TUBB3: variants seen among roughly 807,000 people sequenced by gnomAD.
TUBB3 encodes the protein tubulin beta 3 class III.
TUBB3 carries 17 observed loss-of-function variants against 37.8 expected under a neutral mutation model. The observed-to-expected ratio is 0.45, with a 90% confidence interval of 0.31 to 0.67. The LOEUF is 0.67. Ranked by LOEUF, TUBB3 falls within the 30% of genes least tolerant of loss-of-function variation. The pLI is 0.07. For synonymous variants in TUBB3, 332 were observed against 278.9 expected, an observed-to-expected ratio of 1.19 and a Z score of -1.90; for missense variants, 262 against 657.9, an observed-to-expected ratio of 0.40 and a Z score of 6.58.
intron 1 of TUBB3, among the ~76,000 whole-genome samples, chr16:89,927,185 G>T (rs56027733): frequency 1.6e-4 from 24 of 151,858 alleles, no homozygotes; most frequent in African/African-American, 5.5e-4. Context: ...GGCCAGCCTG[G>T]GCAACATGGC....
chr16:89,935,705 G>C lies in TUBB3; in HGVS notation c.1254G>C (p.Leu418=), dbSNP rs748724315. The change falls in exon 4 of 4, where the codon CTG becomes CTC. Residue 418 remains leucine, a synonymous_variant. Transcript: ENST00000315491. ...AGGCCGAGAGCAACATGAACGACCT[G>C]GTGTCCGAGTACCAGCAGTACCAGG... ...FTEAESNMND[L]VSEYQQYQDA... 6.2e-7 allele frequency: 1 copy of C among 1,613,908 alleles called. No individual in the cohort carries two copies. Among genetic ancestry groups the C allele is most frequent in the South Asian group, 1.1e-5 (1 of 91,076 alleles).
rs1387989221 is a variant in TUBB3 at position 89,935,960 on chromosome 16, C to A, written c.*156C>A. Reference sequence around the variant, plus strand: ...GCAGTATTTATGGCCTCGTCCTCCCCACCTAGGCCACGTGTGAGCTGCTCC... The same window carrying A: ...GCAGTATTTATGGCCTCGTCCTCCCAACCTAGGCCACGTGTGAGCTGCTCC... On this transcript the variant is annotated 3_prime_UTR_variant, in exon 4 of 4. Coordinates refer to ENST00000315491, the MANE Select transcript of TUBB3 (RefSeq NM_006086.4). 6.9e-6 allele frequency: 6 copies of A among 874,634 alleles called. No homozygotes were observed. In the African/African-American group the frequency reaches 8.5e-5, roughly 12 times the overall value. The allele number at this position is 874,634 out of a possible 1,614,324, so 54.2% of individuals were successfully genotyped here.
At position 89,924,204 on chromosome 16, in the gene TUBB3, C is replaced by T. The variant is rs944401380; in HGVS notation, c.57+746C>T. On this transcript the variant is annotated intron_variant, in intron 1 of 3. Transcript: ENST00000315491. ...CGCCCCTCCCTCCATTGTTAGCCCA[C>T]CTCGCAGATGTTGGGGCCACGCAGA... is the stretch of plus-strand genomic sequence containing the variant. 1.3e-4 allele frequency among the ~76,000 whole-genome samples: 20 copies of T among 152,334 alleles called. No individual in the cohort carries two copies. In the East Asian group the frequency reaches 1.7e-3, roughly 13 times the overall value.
At chr16:89,923,298 G>T (rs2029949437), upstream of TUBB3, 1 of 995,570 alleles carries the variant, frequency 1.0e-6, no homozygotes, top group Non-Finnish European at 1.3e-6. Context: ...CGATGCGAAG[G>T]GCGGGGCCGC....
At chr16:89,929,465 A>C (rs1186971614) in intron 1 of TUBB3, among the ~76,000 whole-genome samples, 1 of 152,210 alleles carries the variant, frequency 6.6e-6, no homozygotes, top group Non-Finnish European at 1.5e-5. Flanking sequence ...GAGGTGGTCC[A>C]TGTCCATGCT....
At chr16:89,927,167 C>G (rs2144405346) in intron 1 of TUBB3, among the ~76,000 whole-genome samples, 1 of 152,010 alleles carries the variant, frequency 6.6e-6, no homozygotes, top group Admixed American at 6.5e-5. Context: ...CTGAGGTCAG[C>G]ACTTCAGGGC....
chr16:89,930,531 C>T (rs1181406010), intron 1 of TUBB3, among the ~76,000 whole-genome samples: 1 of 151,946 alleles, frequency 6.6e-6, no homozygotes, highest in East Asian at 1.9e-4. Context: ...TCAAGCAATT[C>T]TTCTGCCTCA....
intron 1 of TUBB3, among the ~76,000 whole-genome samples, chr16:89,927,228 A>G (rs921874022): frequency 6.6e-6 from 1 of 151,858 alleles, no homozygotes; most frequent in Non-Finnish European, 1.5e-5. Context: ...TAAAAAACAA[A>G]AAAAATTAGC....
At chr16:89,930,135 C>T (rs1046765450) in intron 1 of TUBB3, among the ~76,000 whole-genome samples, 5 of 151,592 alleles carry the variant, frequency 3.3e-5, no homozygotes, top group Admixed American at 1.3e-4. Flanking sequence ...CTGACAGTCT[C>T]GCACTATTGC....
intron 1 of TUBB3, among the ~76,000 whole-genome samples, chr16:89,926,235 G>A (rs1302931149): frequency 1.3e-5 from 2 of 152,134 alleles, no homozygotes; most frequent in East Asian, 1.9e-4. Flanking sequence ...CGCGGGCTGC[G>A]GCACCGCCTC....
chr16:89,932,546 C>G (rs764167968), intron 1 of TUBB3, 25 bp from the exon 2 acceptor site: 1 of 1,602,212 alleles, frequency 6.2e-7, no homozygotes, highest in Non-Finnish European at 8.6e-7. Flanking sequence ...CGGTGCCGAC[C>G]CCCCCTCTCC....
chr16:89,923,936 G>A (rs930381422), intron 1 of TUBB3, among the ~76,000 whole-genome samples: 1 of 152,132 alleles, frequency 6.6e-6, no homozygotes, highest in East Asian at 1.9e-4. Context: ...AGAGGCTAGA[G>A]CCGCCCCGAT....
chr16:89,932,711 C>A, intron 2 of TUBB3, 32 bp downstream of exon 2: 2 of 1,564,196 alleles, frequency 1.3e-6, no homozygotes, highest in Non-Finnish European at 1.8e-6. Flanking sequence ...CCTATCCCAG[C>A]CCTGGACTGA....
At chr16:89,927,030 G>A (rs916976133) in intron 1 of TUBB3, among the ~76,000 whole-genome samples, 9 of 151,946 alleles carry the variant, frequency 5.9e-5, no homozygotes, top group African/African-American at 1.9e-4. Flanking sequence ...TTCCTTTTCT[G>A]TAGTGATGTT....
At chr16:89,929,990 G>A (rs1430504230) in intron 1 of TUBB3, among the ~76,000 whole-genome samples, 2 of 151,666 alleles carry the variant, frequency 1.3e-5, no homozygotes, top group Non-Finnish European at 2.9e-5. Flanking sequence ...GTGAGCCACC[G>A]TGCCTGGCAC....
intron 1 of TUBB3, chr16:89,931,739 G>T: frequency 3.8e-6 from 1 of 263,486 alleles, no homozygotes; most frequent in Non-Finnish European, 8.3e-6. Flanking sequence ...AGCTGGGAAG[G>T]GTGAGGGAAG....
At chr16:89,933,259 C>T (rs769614752) in intron 2 of TUBB3, 2 of 701,880 alleles carry the variant, frequency 2.8e-6, no homozygotes. Context: ...TGTCCTGCTC[C>T]GTCCTGTCCT....
At chr16:89,926,267 T>TG (rs1048356075) in intron 1 of TUBB3, among the ~76,000 whole-genome samples, 28 of 152,070 alleles carry the variant, frequency 1.8e-4, no homozygotes, top group Admixed American at 1.4e-3. Context: ...GGGGCGGGGC[T>TG]GGGGGCGGGG....
At chr16:89,924,906 C>CATTAATGTGGT (rs1246307700) in intron 1 of TUBB3, among the ~76,000 whole-genome samples, 1 of 151,672 alleles carries the variant, frequency 6.6e-6, no homozygotes, top group Non-Finnish European at 1.5e-5. Context: ...GGCCAAGCCT[C>CATTAATGTGGT]CCCTGAGCAT....
Sources: allele counts gnomAD v4.1 joint callset (sites outside exome capture counted in the v4.1 genomes callset), GRCh38; gene constraint gnomAD v4.1.1; transcripts MANE v1.5; gene names NCBI Gene and HGNC (gene_info 2026-07-23, HGNC 2026-07-21).